The following UGGT2 variants were observed in gnomAD, a reference collection of about 807,000 sequenced individuals.
UGGT2 encodes the protein UDP-glucose:glycoprotein glucosyltransferase 2.
UGGT2 carries 180 observed loss-of-function variants against 192.1 expected under a neutral mutation model. The ratio of observed to expected loss-of-function variants is 0.94; its 90% confidence interval spans 0.83 to 1.06. UGGT2 has a LOEUF of 1.06. Among genes scored for constraint, UGGT2 ranks in the 50% least tolerant of loss-of-function variants. The probability of loss-of-function intolerance (pLI) is 0.00; values close to 1 mark genes in which losing one functional copy is unlikely to be tolerated. For synonymous variants in UGGT2, 580 were observed against 591.0 expected (o/e 0.98, Z 0.27); for missense variants, 1,849 against 1,795.7 (o/e 1.03, Z -0.54).
chr13:95,829,910 T>A (rs1271198850), intron 38 of UGGT2, among the ~76,000 whole-genome samples: 1 of 152,172 alleles, frequency 6.6e-6, no homozygotes, highest in African/African-American at 2.4e-5. Context: ...CAAAACAGCA[T>A]GGTACTGGTA....
chr13:95,869,061 G>A (rs541102779), intron 29 of UGGT2, among the ~76,000 whole-genome samples: 2 of 136,126 alleles, frequency 1.5e-5, no homozygotes, highest in East Asian at 2.1e-4. Context: ...ACAGGCCCCA[G>A]TGTGTGATGT....
At chr13:95,973,659 T>G (rs1217050983) in intron 10 of UGGT2, among the ~76,000 whole-genome samples, 1 of 152,224 alleles carries the variant, frequency 6.6e-6, no homozygotes, top group Non-Finnish European at 1.5e-5. Flanking sequence ...AAGGGGGATG[T>G]TCTTGTCACT....
chr13:95,893,919 T>C (rs1341943864), intron 24 of UGGT2, among the ~76,000 whole-genome samples: 2 of 152,182 alleles, frequency 1.3e-5, no homozygotes, highest in East Asian at 1.9e-4. Context: ...CGCAGCAGCT[T>C]TATAATGTGT....
chr13:95,881,683 T>C (rs1282052149), intron 27 of UGGT2, among the ~76,000 whole-genome samples: 1 of 152,210 alleles, frequency 6.6e-6, no homozygotes, highest in East Asian at 1.9e-4. Flanking sequence ...CCACATCCTA[T>C]TCCTGTTAGC....
intron 9 of UGGT2, among the ~76,000 whole-genome samples, chr13:95,985,849 G>A (rs977484164): frequency 2.0e-5 from 3 of 152,044 alleles, no homozygotes; most frequent in African/African-American, 4.8e-5. Flanking sequence ...GCAGTTCAAC[G>A]AGACATCCTC....
At chr13:95,965,529 G>A (rs1162516159) in intron 12 of UGGT2, among the ~76,000 whole-genome samples, 1 of 147,808 alleles carries the variant, frequency 6.8e-6, no homozygotes, top group Non-Finnish European at 1.5e-5. Context: ...ACTCATAGGT[G>A]GGAATTGAAC....
chr13:95,972,151 T>G (rs76151795), intron 11 of UGGT2, among the ~76,000 whole-genome samples: 2 of 151,762 alleles, frequency 1.3e-5, no homozygotes, highest in Non-Finnish European at 2.9e-5. Context: ...TTTTTTTTTT[T>G]TTGACAAGAA....
chr13:96,001,636 TA>T (rs1215571586), intron 5 of UGGT2, among the ~76,000 whole-genome samples: 1 of 152,166 alleles, frequency 6.6e-6, no homozygotes, highest in Non-Finnish European at 1.5e-5. Context: ...GGAGAACATT[TA>T]AAAAAGACAA....
At chr13:96,043,414 C>G (rs1390483489) in intron 1 of UGGT2, among the ~76,000 whole-genome samples, 1 of 152,088 alleles carries the variant, frequency 6.6e-6, no homozygotes, top group East Asian at 1.9e-4. Flanking sequence ...AACAGAACCT[C>G]TTTAAAACAT....
At chr13:95,871,973 A>AT (rs11430857) in intron 29 of UGGT2, among the ~76,000 whole-genome samples, 128,631 of 151,810 alleles carry the variant, frequency 0.85, 54,710 homozygotes, top group East Asian at 0.93. Context: ...CCTTCCTCCT[A>AT]CAAAAACATG....
At chr13:95,919,055 G>A (rs193157155) in intron 20 of UGGT2, among the ~76,000 whole-genome samples, 9 of 152,254 alleles carry the variant, frequency 5.9e-5, no homozygotes, top group Admixed American at 2.6e-4. Flanking sequence ...AGGATGCGAC[G>A]TTGGTTCAAC....
chr13:95,958,594 CTT>C (rs747029590), intron 12 of UGGT2, among the ~76,000 whole-genome samples: 44 of 131,120 alleles, frequency 3.4e-4, no homozygotes, highest in Admixed American at 3.8e-4. Context: ...CCCTTAAGAT[CTT>C]TTTTTTTTTT....
intron 36 of UGGT2, among the ~76,000 whole-genome samples, chr13:95,838,130 A>G (rs754764418): frequency 7.2e-5 from 11 of 152,228 alleles, no homozygotes; most frequent in Non-Finnish European, 1.5e-4. Context: ...AAGTTAATAT[A>G]CAAAAGTCAA....
chr13:95,827,432 A>G (rs1886159631), intron 38 of UGGT2, among the ~76,000 whole-genome samples: 1 of 152,152 alleles, frequency 6.6e-6, no homozygotes, highest in Non-Finnish European at 1.5e-5. Context: ...GTGAAGACAC[A>G]TAAGGAAAAG....
intron 38 of UGGT2, among the ~76,000 whole-genome samples, chr13:95,826,334 C>T (rs777137752): frequency 4.6e-5 from 7 of 151,826 alleles, no homozygotes; most frequent in South Asian, 4.2e-4. Context: ...TATTTAACAC[C>T]GTATTAGATG....
chr13:95,999,190 G>A (rs552811232), intron 6 of UGGT2, 21 bp downstream of exon 6: 1 of 1,596,434 alleles, frequency 6.3e-7, no homozygotes, highest in Admixed American at 1.7e-5. Context: ...TTCTACTCAA[G>A]TACTGAGATA....
intron 5 of UGGT2, among the ~76,000 whole-genome samples, chr13:96,006,979 A>T (rs1191567788): frequency 6.6e-6 from 1 of 152,172 alleles, no homozygotes; most frequent in Non-Finnish European, 1.5e-5. Context: ...AAACAAGACA[A>T]GGACACAACA....
At chr13:95,973,205 A>G (rs1048488806) in intron 10 of UGGT2, among the ~76,000 whole-genome samples, 9 of 151,904 alleles carry the variant, frequency 5.9e-5, no homozygotes, top group African/African-American at 2.2e-4. Flanking sequence ...AATAAATAAA[A>G]ATAAAAATTA....
chr13:96,035,171 A>C (rs994867215), intron 1 of UGGT2, among the ~76,000 whole-genome samples: 1 of 152,222 alleles, frequency 6.6e-6, no homozygotes, highest in Non-Finnish European at 1.5e-5. Flanking sequence ...ACTATACTAC[A>C]AGGTTACAGT....
Sources: allele counts gnomAD v4.1 joint callset (sites outside exome capture counted in the v4.1 genomes callset), GRCh38; gene constraint gnomAD v4.1.1; transcripts MANE v1.5; gene names NCBI Gene and HGNC (gene_info 2026-07-23, HGNC 2026-07-21).